Variants in DYNC2H1 observed in about 807,000 individuals in gnomAD.
DYNC2H1 encodes cytoplasmic dynein 2 heavy chain 1.
DYNC2H1 carries 410 observed loss-of-function variants against 570.0 expected under a neutral mutation model. The observed-to-expected ratio is 0.72, with a 90% CI of 0.66 to 0.78. The LOEUF is 0.78. Ranked by LOEUF, DYNC2H1 falls within the 30% of genes least tolerant of loss-of-function variation. DYNC2H1 has a pLI of 0.00. For synonymous variants in DYNC2H1, 1,688 were observed against 1,677.6 expected (o/e 1.01, Z -0.15); for missense variants, 4,865 against 5,046.4 (o/e 0.96, Z 1.09).
At chr11:103,217,711 A>C (rs1863438068) in intron 55 of DYNC2H1, among the ~76,000 whole-genome samples, 1 of 152,166 alleles carries the variant, frequency 6.6e-6, no homozygotes, top group South Asian at 2.1e-4. Context: ...TAGAAAAAGA[A>C]AATTGATAAA....
At chr11:103,176,996 G>A (rs370090226) in intron 37 of DYNC2H1, among the ~76,000 whole-genome samples, 10 of 152,020 alleles carry the variant, frequency 6.6e-5, no homozygotes, top group South Asian at 6.2e-4. Context: ...CTGAGCCACC[G>A]CATCTGGCCA....
chr11:103,413,621 A>T (rs774316718), intron 84 of DYNC2H1, among the ~76,000 whole-genome samples: 5 of 152,160 alleles, frequency 3.3e-5, no homozygotes, highest in South Asian at 4.1e-4. Context: ...TTGTTATAAG[A>T]TGCAGTTATC....
chr11:103,173,693 C>A (rs1353886497), intron 35 of DYNC2H1, among the ~76,000 whole-genome samples: 1 of 152,030 alleles, frequency 6.6e-6, no homozygotes, highest in Non-Finnish European at 1.5e-5. Context: ...TTCTTTGGGA[C>A]AATGTACAAT....
At chr11:103,354,181 C>CAA (rs71465391) in intron 82 of DYNC2H1, among the ~76,000 whole-genome samples, 1,279 of 117,110 alleles carry the variant, frequency 0.011, 33 homozygotes, top group African/African-American at 0.041. Flanking sequence ...TGTCTCAAAA[C>CAA]AAAAAAAAAA....
chr11:103,242,222 A>G (rs1037304607), intron 63 of DYNC2H1, among the ~76,000 whole-genome samples: 1 of 152,162 alleles, frequency 6.6e-6, no homozygotes, highest in African/African-American at 2.4e-5. Flanking sequence ...TATACATACA[A>G]TGTTTTTTCT....
In DYNC2H1 at chr11:103,339,311, G is replaced by T. The variant is rs144232334; in HGVS notation, c.12039+15321G>T. ...CAGATCAGTGCAGCTTCCACCGGGGGTCACCCAAGGCCCATGGCCACCACC... is the reference window on the plus strand; with the variant it reads ...CAGATCAGTGCAGCTTCCACCGGGGTTCACCCAAGGCCCATGGCCACCACC... On this transcript the variant is annotated intron_variant, in intron 82 of 88. Transcript: ENST00000375735. Among the ~76,000 whole-genome samples, 108 of 152,236 alleles carry T rather than the reference G, an allele frequency of 7.1e-4. No individual in the cohort carries two copies. The East Asian group carries it at 7.4e-3, about 10-fold the overall frequency.
chr11:103,391,490 C>T (rs1031234495), intron 83 of DYNC2H1, among the ~76,000 whole-genome samples: 18 of 152,224 alleles, frequency 1.2e-4, no homozygotes, highest in Non-Finnish European at 2.1e-4. Flanking sequence ...GCCTACTTCT[C>T]TCAACTCGTC....
At chr11:103,279,943 A>G (rs945922546) in intron 70 of DYNC2H1, among the ~76,000 whole-genome samples, 7 of 152,216 alleles carry the variant, frequency 4.6e-5, no homozygotes, top group Non-Finnish European at 8.8e-5. Context: ...AATAGTTGTC[A>G]TAATTGCATG....
intron 83 of DYNC2H1, among the ~76,000 whole-genome samples, chr11:103,366,650 G>A (rs1940921125): frequency 6.6e-6 from 1 of 152,102 alleles, no homozygotes; most frequent in South Asian, 2.1e-4. Flanking sequence ...GCTTACAGAT[G>A]TAATTCTGCC....
At chr11:103,175,133 C>T (rs187105904) in intron 36 of DYNC2H1, among the ~76,000 whole-genome samples, 2 of 152,214 alleles carry the variant, frequency 1.3e-5, no homozygotes, top group African/African-American at 4.8e-5. Flanking sequence ...ATTTCCCCCA[C>T]CTGTGGAGGT....
rs564508302 is a variant in DYNC2H1, at chr11:103,392,048, G to A, written c.12157-7615G>A. Among the ~76,000 whole-genome samples, 61 of 152,324 alleles carry A rather than the reference G, an allele frequency of 4.0e-4. 1 individual carries two copies. The highest frequency in any genetic ancestry group is 6.3e-4 in the Non-Finnish European group (43 of 68,026). On this transcript the variant is annotated intron_variant, in intron 83 of 88. Coordinates refer to ENST00000375735, the MANE Select transcript of DYNC2H1 (RefSeq NM_001377.3). ...CTGTCAGACAGGGACATTTAAGTCC[G>A]CAGAGGACATTTCTGCTGCCTTTTG...
intron 88 of DYNC2H1, among the ~76,000 whole-genome samples, chr11:103,478,184 G>T (rs1301413204): frequency 2.0e-5 from 3 of 152,148 alleles, no homozygotes; most frequent in Admixed American, 1.3e-4. Flanking sequence ...AGAAGGGGTG[G>T]TCATTGATCA....
intron 61 of DYNC2H1, among the ~76,000 whole-genome samples, chr11:103,235,006 T>C (rs1864166903): frequency 6.6e-6 from 1 of 151,896 alleles, no homozygotes; most frequent in Non-Finnish European, 1.5e-5. Flanking sequence ...TTAATGCCAA[T>C]TTCTTTTCAT....
In DYNC2H1 at chr11:103,252,100, A is replaced by T. The variant is rs867754010; in HGVS notation, c.10043-1185A>T. On this transcript the variant is annotated intron_variant, in intron 65 of 88. Coordinates refer to ENST00000375735, the MANE Select transcript of DYNC2H1 (RefSeq NM_001377.3). The surrounding 1 kb of genome is among the most constrained non-coding windows in gnomAD (Gnocchi z 4.6). ...CCATCATGCCCAGCTAATTAAAAAC[A>T]TTTTTTTTTTTTTTTGCAAAGACGA... Among the ~76,000 whole-genome samples, 36 of 142,458 alleles carry T rather than the reference A, an allele frequency of 2.5e-4. No homozygotes were observed. The highest frequency in any genetic ancestry group is 6.7e-4 in the South Asian group (3 of 4,446). 93.5% of individuals were successfully genotyped at this position (142,458 alleles called of 152,430 possible). A position where few individuals can be genotyped will look rare whatever the true frequency, so the allele number is the denominator to read the frequency against.
chr11:103,271,240 C>T (rs1368161695), intron 70 of DYNC2H1, among the ~76,000 whole-genome samples: 1 of 152,116 alleles, frequency 6.6e-6, no homozygotes, highest in Non-Finnish European at 1.5e-5. Flanking sequence ...CTTGTGGCTA[C>T]TAAAGTGAAT....
intron 70 of DYNC2H1, among the ~76,000 whole-genome samples, chr11:103,274,514 A>G (rs572632082): frequency 4.6e-5 from 7 of 152,028 alleles, no homozygotes; most frequent in Non-Finnish European, 8.8e-5. Flanking sequence ...CTTAAACTAT[A>G]TGTTATTATA....
chr11:103,273,555 G>A (rs11225643), intron 70 of DYNC2H1, among the ~76,000 whole-genome samples: 6,393 of 152,100 alleles, frequency 0.042, 175 homozygotes, highest in Non-Finnish European at 0.063. Context: ...GCACTTGTGC[G>A]CATGTTCTTT....
At chr11:103,141,354 A>G (rs751182000) in intron 17 of DYNC2H1, among the ~76,000 whole-genome samples, 1 of 152,006 alleles carries the variant, frequency 6.6e-6, no homozygotes, top group African/African-American at 2.4e-5. Context: ...TTGGTCTTCA[A>G]TGATGGTGAT....
Position 103,245,237 on chromosome 11 carries a change from TTTTA to T in DYNC2H1, c.9919-11_9919-8del, listed in dbSNP as rs1266870117. 2 of 1,501,528 alleles carry T rather than the reference TTTTA, an allele frequency of 1.3e-6. No homozygotes were observed. Among genetic ancestry groups the T allele is most frequent in the South Asian group, 2.6e-5 (2 of 76,104 alleles). 93.0% of individuals were successfully genotyped at this position (1,501,528 alleles called of 1,614,324 possible). Reference sequence around the variant, plus strand: ...AATTAAATAATTAATACGTATTCTTTTTTATTCAATTAGGATAGTAACTTTATCA... The same window carrying T: ...AATTAAATAATTAATACGTATTCTTTTTCAATTAGGATAGTAACTTTATCA... On this transcript the variant is annotated splice_polypyrimidine_tract_variant and intron_variant, in intron 64 of 88. Transcript: ENST00000375735. The surrounding 1 kb of genome is among the most constrained non-coding windows in gnomAD (Gnocchi z 4.5).
Sources: allele counts gnomAD v4.1 joint callset (sites outside exome capture counted in the v4.1 genomes callset), GRCh38; gene constraint gnomAD v4.1.1; non-coding constraint Gnocchi (gnomAD v3.1); transcripts MANE v1.5; gene names NCBI Gene and HGNC (gene_info 2026-07-23, HGNC 2026-07-21).